Variants in RMST observed in about 807,000 individuals in gnomAD.
RMST encodes long intergenic non-protein coding RNA 54.
At chr12:97,538,675 A>T (rs1233377265) in intron 11 of RMST, among the ~76,000 whole-genome samples, 1 of 151,470 alleles carries the variant, frequency 6.6e-6, no homozygotes, top group African/African-American at 2.4e-5. Context: ...GGTGATTTTC[A>T]TGATGCAAAT....
chr12:97,470,328 A>G (rs1343471365), intron 5 of RMST, among the ~76,000 whole-genome samples: 2 of 152,052 alleles, frequency 1.3e-5, no homozygotes, highest in African/African-American at 2.4e-5. Context: ...AGAGAAGAAT[A>G]TTAAAAAGAT....
chr12:97,498,767 C>G (rs1877747360), intron 10 of RMST, among the ~76,000 whole-genome samples: 1 of 152,160 alleles, frequency 6.6e-6, no homozygotes, highest in Non-Finnish European at 1.5e-5. Flanking sequence ...CTGTTTTTCT[C>G]TACTGCTAAG....
At chr12:97,479,031 T>C (rs1033068632) in intron 5 of RMST, among the ~76,000 whole-genome samples, 11 of 152,004 alleles carry the variant, frequency 7.2e-5, no homozygotes, top group African/African-American at 2.7e-4. Context: ...CCCTCTCCCT[T>C]GTCCTGGTCC....
At chr12:97,537,034 T>C (rs1371010074) in intron 11 of RMST, among the ~76,000 whole-genome samples, 1 of 151,446 alleles carries the variant, frequency 6.6e-6, no homozygotes, top group African/African-American at 2.4e-5. Context: ...AAAAAGCAAC[T>C]AAAGGGCATT....
intron 11 of RMST, chr12:97,541,336 C>A (rs1017312284): frequency 2.0e-5 from 3 of 151,622 alleles, no homozygotes; most frequent in African/African-American, 7.3e-5. Flanking sequence ...GAATCCTTTT[C>A]CGGACTGTTT....
chr12:97,481,191 C>T (rs1875232050), intron 5 of RMST, among the ~76,000 whole-genome samples: 2 of 151,916 alleles, frequency 1.3e-5, no homozygotes, highest in African/African-American at 2.4e-5. Flanking sequence ...TGAGGAAGAG[C>T]AAACAAGTCA....
chr12:97,486,742 T>C (rs1423744362), intron 5 of RMST, among the ~76,000 whole-genome samples: 1 of 152,156 alleles, frequency 6.6e-6, no homozygotes, highest in East Asian at 1.9e-4. Flanking sequence ...CTTTAAAGAT[T>C]TGAATGAGTG....
At chr12:97,560,341 C>T (rs1884031434) in intron 11 of RMST, among the ~76,000 whole-genome samples, 2 of 152,176 alleles carry the variant, frequency 1.3e-5, no homozygotes, top group Admixed American at 6.6e-5. Flanking sequence ...TACCGCCTAG[C>T]AGATTCTATT....
intron 10 of RMST, among the ~76,000 whole-genome samples, chr12:97,526,187 C>T (rs370364703): frequency 5.9e-4 from 90 of 152,156 alleles, no homozygotes; most frequent in South Asian, 2.9e-3. Flanking sequence ...AAACCATCCC[C>T]CACCCCACTT....
intron 11 of RMST, among the ~76,000 whole-genome samples, chr12:97,542,344 C>T (rs147575311): frequency 6.6e-6 from 1 of 151,884 alleles, no homozygotes; most frequent in East Asian, 1.9e-4. Flanking sequence ...GTGAAATAAA[C>T]ACACCTGAAG....
At chr12:97,510,634 CTTCAA>C (rs1025359193) in intron 10 of RMST, among the ~76,000 whole-genome samples, 3 of 152,190 alleles carry the variant, frequency 2.0e-5, no homozygotes, top group Non-Finnish European at 4.4e-5. Context: ...TTGCCAAATT[CTTCAA>C]TTCATTAGTC....
At chr12:97,513,608 A>G (rs1879641521) in intron 10 of RMST, among the ~76,000 whole-genome samples, 1 of 152,190 alleles carries the variant, frequency 6.6e-6, no homozygotes, top group African/African-American at 2.4e-5. Context: ...AAAGAGAAAG[A>G]GGGAATTAGC....
chr12:97,526,215 TATC>T (rs1181893281), intron 10 of RMST, among the ~76,000 whole-genome samples: 2 of 152,068 alleles, frequency 1.3e-5, no homozygotes, highest in East Asian at 1.9e-4. Flanking sequence ...ATGGAAAAAT[TATC>T]ATCTGTGCAG....
intron 10 of RMST, among the ~76,000 whole-genome samples, chr12:97,511,721 C>T (rs1389423488): frequency 6.6e-6 from 1 of 152,088 alleles, no homozygotes; most frequent in Non-Finnish European, 1.5e-5. Context: ...ATTACAGCAG[C>T]ATTAAAAATG....
chr12:97,476,349 C>G (rs955367512), intron 5 of RMST, among the ~76,000 whole-genome samples: 1 of 152,228 alleles, frequency 6.6e-6, no homozygotes, highest in Non-Finnish European at 1.5e-5. Flanking sequence ...AGCTTCTTCT[C>G]CTGCTTCATC....
At chr12:97,523,843 C>G (rs914027625) in intron 10 of RMST, among the ~76,000 whole-genome samples, 1 of 151,738 alleles carries the variant, frequency 6.6e-6, no homozygotes, top group Admixed American at 6.6e-5. Context: ...TTTGGGAGGT[C>G]GAGGCGGGCG....
At chr12:97,497,972 CATCCATG>C (rs1250084490) in intron 10 of RMST, among the ~76,000 whole-genome samples, 9 of 152,088 alleles carry the variant, frequency 5.9e-5, no homozygotes, top group Non-Finnish European at 1.3e-4. Flanking sequence ...GAAGATCAAT[CATCCATG>C]GTTCAGGTCA....
chr12:97,558,955 T>C lies in RMST; in HGVS notation n.1546-1582T>C, dbSNP rs199781067. On this transcript the variant is annotated intron_variant and non_coding_transcript_variant, in intron 11 of 13. Transcript: ENST00000640149. Reference sequence around the variant, plus strand: ...CTGTCACCAACACTCACTGCAAATATACTCTTCCTAGAGGGAATGTTCTGA... The same window carrying C: ...CTGTCACCAACACTCACTGCAAATACACTCTTCCTAGAGGGAATGTTCTGA... Among the ~76,000 whole-genome samples the C allele has an allele frequency of 5.3e-5, 8 of 152,328 alleles. No homozygotes were observed. The East Asian group carries it at 5.8e-4, about 11-fold the overall frequency.
At chr12:97,486,015 C>T (rs1001340811) in intron 5 of RMST, among the ~76,000 whole-genome samples, 3 of 152,142 alleles carry the variant, frequency 2.0e-5, no homozygotes, top group African/African-American at 4.8e-5. Flanking sequence ...GAGATAGGTA[C>T]GCAGAATGCA....
Sources: allele counts gnomAD v4.1 joint callset (sites outside exome capture counted in the v4.1 genomes callset), GRCh38; gene constraint gnomAD v4.1.1; transcripts MANE v1.5; gene names NCBI Gene and HGNC (gene_info 2026-07-23, HGNC 2026-07-21).